MYOM2: variants seen among roughly 807,000 people sequenced by gnomAD.
MYOM2 encodes the protein myomesin 2, also known as myomesin-2.
A neutral mutation model predicts 187.6 loss-of-function variants in MYOM2; 254 were observed. The ratio of observed to expected loss-of-function variants is 1.35; its 90% CI spans 1.22 to 1.50. The LOEUF (loss-of-function observed/expected upper bound fraction) is 1.50. Among genes scored for constraint, MYOM2 ranks in the 40% most tolerant of loss-of-function variants. The pLI is 0.00. For missense variants in MYOM2, 2,796 were observed against 1,924.0 expected (o/e 1.45, Z -8.48); for synonymous variants, 981 against 753.8 (o/e 1.30, Z -4.94).
intron 32 of MYOM2, 27 bp downstream of exon 32, chr8:2,129,259 C>A: frequency 6.6e-7 from 1 of 1,526,252 alleles, no homozygotes; most frequent in Non-Finnish European, 9.1e-7. Flanking sequence ...CCGATGGAGG[C>A]CATGCCATAG....
At chr8:2,112,119 A>C (rs1242106569) in intron 25 of MYOM2, among the ~76,000 whole-genome samples, 1 of 152,176 alleles carries the variant, frequency 6.6e-6, no homozygotes. Context: ...TACCCTGTAC[A>C]TCACCTGTTG....
Position 2,143,277 on chromosome 8 carries a change from C to T in MYOM2, c.4025-124C>T, listed in dbSNP as rs551363062. On this transcript the variant is annotated intron_variant, in intron 35 of 36. Coordinates refer to ENST00000262113, the MANE Select transcript of MYOM2 (RefSeq NM_003970.4). ...CATATAAACCTTTTTCTTTGATGCT[C>T]GCTCTCTCCTGAGCATAAACTCCTC... 3.3e-4 allele frequency: 354 copies of T among 1,085,584 alleles called. 1 individual carries two copies. The African/African-American group carries it at 4.6e-3, about 14-fold the overall frequency. 67.2% of individuals were successfully genotyped at this position (1,085,584 alleles called of 1,614,324 possible).
At chr8:2,095,988 T>C (rs965104474) in intron 17 of MYOM2, among the ~76,000 whole-genome samples, 2 of 152,224 alleles carry the variant, frequency 1.3e-5, no homozygotes, top group Non-Finnish European at 2.9e-5. Context: ...GTTCATCCTA[T>C]GGAAGCCTTA....
At chr8:2,132,442 T>A (rs937014853) in intron 32 of MYOM2, among the ~76,000 whole-genome samples, 4 of 152,238 alleles carry the variant, frequency 2.6e-5, no homozygotes, top group African/African-American at 9.6e-5. Context: ...AAAAATGTTC[T>A]TAAGAGAAAA....
chr8:2,129,785 C>T (rs973952892), intron 32 of MYOM2, among the ~76,000 whole-genome samples: 16 of 152,166 alleles, frequency 1.1e-4, no homozygotes, highest in Non-Finnish European at 1.8e-4. Flanking sequence ...CAGGTCCCTG[C>T]TGCCCTGCCT....
rs3408 is a variant in MYOM2, at chr8:2,145,213, C to T, written c.*232C>T. On this transcript the variant is annotated 3_prime_UTR_variant, in exon 37 of 37. Transcript: ENST00000262113. ...CAACGTGTATTTACACGAGGGTAGA[C>T]GGCAGATGCCTGACAGAGAGTGGGT... 0.028 allele frequency: 16,277 copies of T among 583,622 alleles called. 281 individuals are homozygous for T. Among genetic ancestry groups the T allele is most frequent in the Middle Eastern group, 0.035 (79 of 2,230 alleles). 36.2% of individuals were successfully genotyped at this position (583,622 alleles called of 1,614,324 possible).
At chr8:2,107,446 A>G (rs186262311) in intron 23 of MYOM2, among the ~76,000 whole-genome samples, 2 of 152,152 alleles carry the variant, frequency 1.3e-5, no homozygotes, top group Non-Finnish European at 2.9e-5. Context: ...TTAGTTATCA[A>G]TCACTGTCCT....
At chr8:2,091,016 CT>C (rs35873643) in intron 15 of MYOM2, among the ~76,000 whole-genome samples, 1,205 of 86,522 alleles carry the variant, frequency 0.014, 8 homozygotes, top group African/African-American at 0.047. Context: ...AATGATAGTT[CT>C]TTTTTTTTTT....
intron 31 of MYOM2, among the ~76,000 whole-genome samples, chr8:2,125,163 G>A (rs61681853): frequency 6.6e-6 from 1 of 152,152 alleles, no homozygotes; most frequent in Admixed American, 6.5e-5. Context: ...TCACTGCCCA[G>A]ATCCATGCTG....
chr8:2,129,420 G>T (rs1797774656), intron 32 of MYOM2, among the ~76,000 whole-genome samples, 188 bp downstream of exon 32: 1 of 152,184 alleles, frequency 6.6e-6, no homozygotes, highest in African/African-American at 2.4e-5. Context: ...GGAGGACGTG[G>T]AAGAAGGAGG....
rs568918241 is a variant in MYOM2, at chr8:2,074,433, C to T, written c.1120+933C>T. On this transcript the variant is annotated intron_variant, in intron 10 of 36. Transcript: ENST00000262113. ...ATCATGTGACTGAGCAGAAGGGGCC[C>T]ACCTACTCCCACTCCTCCTTTTTTT... 3.9e-5 allele frequency among the ~76,000 whole-genome samples: 6 copies of T among 152,096 alleles called. No homozygotes were observed. In the East Asian group the frequency reaches 9.7e-4, roughly 25 times the overall value.
At chr8:2,086,497 C>CTACTGTCGTGATCTCCACGTGGCCACA (rs1796076192) in intron 14 of MYOM2, among the ~76,000 whole-genome samples, 1 of 142,006 alleles carries the variant, frequency 7.0e-6, no homozygotes, top group Non-Finnish European at 1.6e-5. Context: ...GTGTGGCCCC[C>CTACTGTCGTGATCTCCACGTGGCCACA]CACTGTCGTG....
chr8:2,095,147 A>G (rs1019591953), intron 17 of MYOM2, among the ~76,000 whole-genome samples: 7 of 152,330 alleles, frequency 4.6e-5, no homozygotes, highest in African/African-American at 1.4e-4. Flanking sequence ...TTTCCAAGGA[A>G]TGTCAAATCT....
intron 13 of MYOM2, among the ~76,000 whole-genome samples, chr8:2,084,139 T>G (rs1242673984): frequency 6.6e-6 from 1 of 152,222 alleles, no homozygotes; most frequent in Non-Finnish European, 1.5e-5. Flanking sequence ...GGAATGCTTT[T>G]TTCTGTGGGT....
chr8:2,085,520 C>CTACTGTTGTGATCT (rs1563444586), intron 14 of MYOM2, 130 bp downstream of exon 14: 1 of 532,014 alleles, frequency 1.9e-6, no homozygotes, highest in East Asian at 4.3e-5. Context: ...GCGTGGCCCC[C>CTACTGTTGTGATCT]CACTGTTGTG....
intron 2 of MYOM2, 90 bp downstream of exon 2, chr8:2,050,963 A>G (rs1818465278): frequency 9.7e-7 from 1 of 1,033,124 alleles, no homozygotes; most frequent in Admixed American, 2.0e-5. Context: ...AGCCCTGGAG[A>G]GGCACTGGTT....
intron 31 of MYOM2, among the ~76,000 whole-genome samples, chr8:2,126,188 G>C (rs958057541): frequency 2.6e-5 from 4 of 152,202 alleles, no homozygotes; most frequent in African/African-American, 9.7e-5. Flanking sequence ...TGCAGCGGCT[G>C]AGGGGACATG....
At chr8:2,059,089 C>A in intron 5 of MYOM2, 64 bp from the exon 6 acceptor site, 1 of 1,401,260 alleles carries the variant, frequency 7.1e-7, no homozygotes, top group South Asian at 1.2e-5. Flanking sequence ...GGAGCTGGGG[C>A]AGAATTGCAC....
intron 14 of MYOM2, among the ~76,000 whole-genome samples, chr8:2,086,540 T>C (rs1796082080): frequency 7.3e-6 from 1 of 136,668 alleles, no homozygotes; most frequent in Admixed American, 7.3e-5. Flanking sequence ...TCGTGTTTGC[T>C]GTGTTTTAAA....
Sources: gnomAD v4.1 joint callset for allele counts (sites outside exome capture counted in the v4.1 genomes callset) on GRCh38, gnomAD v4.1.1 for gene constraint, MANE v1.5 for transcripts, NCBI Gene and HGNC (gene_info 2026-07-23, HGNC 2026-07-21) for gene names.